Variants in CSNK2A1 observed in about 807,000 individuals in gnomAD.
The protein encoded by CSNK2A1 is casein kinase II subunit alpha.
Under a neutral mutation model 62.9 loss-of-function variants are expected in CSNK2A1, and 10 were observed. The observed-to-expected ratio is 0.16, with a 90% CI of 0.10 to 0.27. The LOEUF is 0.27. Ranked by LOEUF, CSNK2A1 falls within the 10% of genes least tolerant of loss-of-function variation. CSNK2A1 has a pLI of 1.00. For synonymous variants in CSNK2A1, 124 were observed against 167.8 expected (o/e 0.74, Z 2.02); for missense variants, 160 against 492.0 (o/e 0.33, Z 6.38).
At chr20:490,852 C>CTAA (rs931738766) in intron 9 of CSNK2A1, among the ~76,000 whole-genome samples, 5 of 144,728 alleles carry the variant, frequency 3.5e-5, no homozygotes, top group African/African-American at 1.3e-4. Context: ...CTATGCTCAG[C>CTAA]TAATATACAT....
intron 6 of CSNK2A1, chr20:498,646 T>C (rs949711409): frequency 1.3e-5 from 2 of 152,230 alleles, no homozygotes; most frequent in African/African-American, 4.8e-5. Flanking sequence ...TATAACATTC[T>C]GGATACTGGA....
chr20:495,417 T>G (rs537588732), intron 8 of CSNK2A1: 2 of 326,702 alleles, frequency 6.1e-6, no homozygotes, highest in Non-Finnish European at 1.2e-5. Flanking sequence ...AGAAGGCAAA[T>G]GGAGAGAAAG....
chr20:489,108 A>C, intron 10 of CSNK2A1: 1 of 247,228 alleles, frequency 4.0e-6, no homozygotes, highest in Non-Finnish European at 7.8e-6. Context: ...CCACATTTCT[A>C]CTCTGAAGTT....
At chr20:523,687 C>T (rs973224618) in intron 2 of CSNK2A1, among the ~76,000 whole-genome samples, 10 of 151,758 alleles carry the variant, frequency 6.6e-5, no homozygotes, top group South Asian at 4.2e-4. Context: ...GTCAGGAGAT[C>T]GAGACCATCC....
chr20:516,088 T>C (rs1019257566), intron 2 of CSNK2A1, among the ~76,000 whole-genome samples: 1 of 152,194 alleles, frequency 6.6e-6, no homozygotes, highest in East Asian at 1.9e-4. Context: ...AGTGCCTGAG[T>C]CCTAGATATT....
intron 3 of CSNK2A1, chr20:508,248 C>A: frequency 3.9e-6 from 2 of 515,978 alleles, no homozygotes; most frequent in Non-Finnish European, 6.9e-6. Context: ...AATGGTAAGC[C>A]CATTAAAATT....
chr20:513,179 TA>T (rs2018759483), intron 2 of CSNK2A1, among the ~76,000 whole-genome samples: 1 of 152,252 alleles, frequency 6.6e-6, no homozygotes, highest in African/African-American at 2.4e-5. Context: ...TTTCTCTACA[TA>T]ACCTTTACAG....
rs1000147092 is a variant in CSNK2A1, at chr20:474,791, T to G, written c.*9170A>C. On this transcript the variant is annotated 3_prime_UTR_variant, in exon 14 of 14. Coordinates refer to ENST00000217244, the MANE Select transcript of CSNK2A1 (RefSeq NM_177559.3). ...ACTGTAATCCTGGTTAGACCAGTAT[T>G]CAGTGTTTCCATTATGACTACGTAA... is the stretch of plus-strand genomic sequence containing the variant. 1 of 152,224 alleles carries G rather than the reference T, an allele frequency of 6.6e-6. No homozygotes were observed. Among genetic ancestry groups the G allele is most frequent in the African/African-American group, 2.4e-5 (1 of 41,444 alleles). 9.4% of individuals were successfully genotyped at this position (152,224 alleles called of 1,614,324 possible). A position where few individuals can be genotyped will look rare whatever the true frequency, so the allele number is the denominator to read the frequency against.
chr20:503,621 T>C (rs192907725), intron 4 of CSNK2A1: 13 of 398,534 alleles, frequency 3.3e-5, no homozygotes, highest in African/African-American at 1.6e-4. Context: ...TCGTGATGGA[T>C]TGTGTTATAC....
At chr20:485,487 A>G (rs903280452) in intron 13 of CSNK2A1, among the ~76,000 whole-genome samples, 25 of 152,130 alleles carry the variant, frequency 1.6e-4, no homozygotes, top group Non-Finnish European at 5.9e-5. Context: ...CTGGCCCTGC[A>G]TCTTGCGTTT....
intron 1 of CSNK2A1, among the ~76,000 whole-genome samples, chr20:538,349 G>A (rs2019378623): frequency 6.6e-6 from 1 of 152,166 alleles, no homozygotes. Flanking sequence ...TATCTTAGTA[G>A]ACCAGTTAAC....
rs2017949957 is a variant in CSNK2A1 at position 481,230 on chromosome 20, G to C, written c.*2731C>G. ...CAATTACAACCAATAAAGCAAGGTGGGGAGGGCCTTCTGGCTTCAAACTTA... is the reference window on the plus strand; with the variant it reads ...CAATTACAACCAATAAAGCAAGGTGCGGAGGGCCTTCTGGCTTCAAACTTA... On this transcript the variant is annotated 3_prime_UTR_variant, in exon 14 of 14. Transcript: ENST00000217244. 6.6e-6 allele frequency: 1 copy of C among 152,080 alleles called. No homozygotes were observed. Among genetic ancestry groups the C allele is most frequent in the African/African-American group, 2.4e-5 (1 of 41,376 alleles). The allele number at this position is 152,080 out of a possible 1,614,324, so 9.4% of individuals were successfully genotyped here.
At chr20:493,907 G>A (rs2018291727) in intron 8 of CSNK2A1, among the ~76,000 whole-genome samples, 2 of 151,938 alleles carry the variant, frequency 1.3e-5, no homozygotes, top group Admixed American at 1.3e-4. Flanking sequence ...CCAAGTTGTT[G>A]CATGTGTCAT....
rs536919963 is a variant in CSNK2A1 at position 475,725 on chromosome 20, A to C, written c.*8236T>G. 1 of 152,366 alleles carries C rather than the reference A, an allele frequency of 6.6e-6. No homozygotes were observed. The highest frequency in any genetic ancestry group is 2.4e-5 in the African/African-American group (1 of 41,568). 9.4% of individuals were successfully genotyped at this position (152,366 alleles called of 1,614,324 possible). On this transcript the variant is annotated 3_prime_UTR_variant, in exon 14 of 14. Coordinates refer to ENST00000217244, the MANE Select transcript of CSNK2A1 (RefSeq NM_177559.3). ...TTGGCTATGTGATTTGCTTTCGCCA[A>C]TGGGATGATGGTGCTTGTGACACAG...
rs1421559497 is a variant in CSNK2A1 at position 474,639 on chromosome 20, T to G, written c.*9322A>C. ...CTCAAAATAACATGCAACTGTTTGA[T>G]TTTTCAGTTTTAGGCATTAGTTCCC... is the stretch of plus-strand genomic sequence containing the variant. On this transcript the variant is annotated 3_prime_UTR_variant, in exon 14 of 14. Transcript: ENST00000217244. 1 of 152,206 alleles carries G rather than the reference T, an allele frequency of 6.6e-6. No individual in the cohort carries two copies. The highest frequency in any genetic ancestry group is 1.5e-5 in the Non-Finnish European group (1 of 68,038). The allele number at this position is 152,206 out of a possible 1,614,324, so 9.4% of individuals were successfully genotyped here. A position where few individuals can be genotyped will look rare whatever the true frequency, so the allele number is the denominator to read the frequency against.
At chr20:532,330 ATTTTTTTT>A (rs138287291) in intron 1 of CSNK2A1, among the ~76,000 whole-genome samples, 5 of 121,980 alleles carry the variant, frequency 4.1e-5, no homozygotes, top group South Asian at 2.8e-4. Context: ...TGCCCGGCTA[ATTTTTTTT>A]TTTTTTTTTT....
At chr20:530,800 A>C (rs2019197153) in intron 1 of CSNK2A1, among the ~76,000 whole-genome samples, 2 of 152,132 alleles carry the variant, frequency 1.3e-5, no homozygotes, top group Admixed American at 6.6e-5. Flanking sequence ...AAAGTAAATC[A>C]GGGGCCAGGC....
At chr20:487,092 T>C (rs2018116614) in intron 12 of CSNK2A1, 2 of 263,754 alleles carry the variant, frequency 7.6e-6, no homozygotes, top group Non-Finnish European at 7.2e-6. Context: ...TTTGTAAGCC[T>C]CATTAGCTCT....
At chr20:536,215 TA>T in intron 1 of CSNK2A1, among the ~76,000 whole-genome samples, 1 of 152,012 alleles carries the variant, frequency 6.6e-6, no homozygotes, top group Non-Finnish European at 1.5e-5. Flanking sequence ...AACAAGGAAG[TA>T]CAGGTCAAAA....
Sources: allele counts gnomAD v4.1 joint callset (sites outside exome capture counted in the v4.1 genomes callset), GRCh38; gene constraint gnomAD v4.1.1; transcripts MANE v1.5; gene names NCBI Gene and HGNC (gene_info 2026-07-23, HGNC 2026-07-21).